The following GTF2I variants were observed in gnomAD, a reference collection of about 807,000 sequenced individuals.
GTF2I encodes general transcription factor II-I.
Under a neutral mutation model 67.6 loss-of-function variants are expected in GTF2I, and 12 were observed. That is an observed-to-expected ratio of 0.18 (90% CI 0.11 to 0.29). The LOEUF is 0.29. Ranked by LOEUF, GTF2I falls within the 10% of genes least tolerant of loss-of-function variation. The pLI, the probability that GTF2I is intolerant of heterozygous loss-of-function variation, is 1.00. For missense variants in GTF2I, 271 were observed against 580.1 expected (o/e 0.47, Z 5.47); for synonymous variants, 149 against 197.0 (o/e 0.76, Z 2.04).
chr7:74,675,559 G>T (rs186508920), intron 1 of GTF2I, among the ~76,000 whole-genome samples: 1 of 151,868 alleles, frequency 6.6e-6, no homozygotes, highest in African/African-American at 2.4e-5. Context: ...GTTTTTTTTG[G>T]GGGGGGCAGA....
chr7:74,707,683 A>G (rs1014624045), intron 8 of GTF2I, among the ~76,000 whole-genome samples: 8 of 152,002 alleles, frequency 5.3e-5, no homozygotes, highest in African/African-American at 1.9e-4. Flanking sequence ...GGAAATCTCA[A>G]ATTTTTGTGT....
chr7:74,757,757 GACC>G lies in GTF2I; in HGVS notation c.2897-199_2897-197del, dbSNP rs1317467535. Among the ~76,000 whole-genome samples, 3 of 92,766 alleles carry G rather than the reference GACC, an allele frequency of 3.2e-5. 1 individual carries two copies. Among genetic ancestry groups the G allele is most frequent in the Non-Finnish European group, 6.7e-5 (3 of 44,764 alleles). 60.9% of individuals were successfully genotyped at this position (92,766 alleles called of 152,430 possible). A position where few individuals can be genotyped will look rare whatever the true frequency, so the allele number is the denominator to read the frequency against. On this transcript the variant is annotated intron_variant, in intron 32 of 34. Transcript: ENST00000573035. ...ACTTCAGTTGCATATGTGAACTTAGGACCACATTTGAAAAACAGAAATTTGAAA... is the reference window on the plus strand; with the variant it reads ...ACTTCAGTTGCATATGTGAACTTAGGACATTTGAAAAACAGAAATTTGAAA...
chr7:74,658,429 C>T (rs1459877575), intron 1 of GTF2I, among the ~76,000 whole-genome samples: 2 of 144,590 alleles, frequency 1.4e-5, no homozygotes, highest in African/African-American at 5.0e-5. Context: ...GCGCCTCGCG[C>T]GTGCGATCCC....
intron 2 of GTF2I, among the ~76,000 whole-genome samples, chr7:74,690,414 G>C (rs1788171725): frequency 6.6e-6 from 1 of 152,162 alleles, no homozygotes; most frequent in African/African-American, 2.4e-5. Flanking sequence ...AATATGCTTA[G>C]TAAAAGTCAG....
intron 1 of GTF2I, among the ~76,000 whole-genome samples, chr7:74,663,784 G>A (rs1216888242): frequency 2.0e-5 from 3 of 152,080 alleles, no homozygotes; most frequent in Admixed American, 2.0e-4. Context: ...GGAGCAAAAC[G>A]CCTTAGTGTC....
In GTF2I at chr7:74,677,781, C is replaced by CAAAAAAA. The variant is rs67938540; in HGVS notation, c.-5-11334_-5-11328dup. ...TGGGCGACAGAGTGAGATTCTGTCTCAAAAAAAAAAAAAAAGTAAATTTGG... is the reference window on the plus strand; with the variant it reads ...TGGGCGACAGAGTGAGATTCTGTCTCAAAAAAAAAAAAAAAAAAAAAAGTAAATTTGG... On this transcript the variant is annotated intron_variant, in intron 1 of 34. Transcript: ENST00000573035. 1.5e-4 allele frequency among the ~76,000 whole-genome samples: 11 copies of CAAAAAAA among 72,162 alleles called. 1 individual carries two copies. Among genetic ancestry groups the CAAAAAAA allele is most frequent in the Non-Finnish European group, 2.4e-4 (10 of 41,778 alleles). 47.3% of individuals were successfully genotyped at this position (72,162 alleles called of 152,430 possible). A position where few individuals can be genotyped will look rare whatever the true frequency, so the allele number is the denominator to read the frequency against.
intron 1 of GTF2I, among the ~76,000 whole-genome samples, chr7:74,671,070 G>C (rs1054007885): frequency 7.0e-6 from 1 of 143,196 alleles, no homozygotes; most frequent in Non-Finnish European, 1.5e-5. Flanking sequence ...TCCACTGATT[G>C]GGCAGATCCT....
intron 26 of GTF2I, among the ~76,000 whole-genome samples, chr7:74,749,913 GA>G (rs1270990751): frequency 6.9e-6 from 1 of 144,034 alleles, no homozygotes; most frequent in Non-Finnish European, 1.5e-5. Flanking sequence ...AAAAAAAAAA[GA>G]AGAAGAAATT....
intron 1 of GTF2I, among the ~76,000 whole-genome samples, chr7:74,661,858 T>C (rs1250947249): frequency 2.0e-5 from 3 of 152,148 alleles, no homozygotes; most frequent in African/African-American, 7.2e-5. Context: ...TGGAATAAAA[T>C]GGGAAATCTT....
At chr7:74,705,248 A>AC (rs782144066) in intron 7 of GTF2I, 30 bp downstream of exon 7, 2 of 1,345,942 alleles carry the variant, frequency 1.5e-6, no homozygotes, top group African/African-American at 2.9e-5. Context: ...CTGCTGTTTA[A>AC]CTCCCACACC....
chr7:74,661,108 A>G (rs1804444367), intron 1 of GTF2I, among the ~76,000 whole-genome samples: 1 of 152,178 alleles, frequency 6.6e-6, no homozygotes, highest in Non-Finnish European at 1.5e-5. Flanking sequence ...CTAGCACATG[A>G]ACCTGGCCAG....
At chr7:74,667,511 T>C (rs1390555821) in intron 1 of GTF2I, among the ~76,000 whole-genome samples, 1 of 152,090 alleles carries the variant, frequency 6.6e-6, no homozygotes, top group Non-Finnish European at 1.5e-5. Context: ...AAATTACCAT[T>C]TTAACCTTTT....
At chr7:74,689,948 C>G (rs587764002) in intron 2 of GTF2I, among the ~76,000 whole-genome samples, 1 of 151,990 alleles carries the variant, frequency 6.6e-6, no homozygotes, top group Admixed American at 6.6e-5. Context: ...AACTCCCGAC[C>G]TCAGGTGATC....
At chr7:74,676,953 G>A (rs1461995714) in intron 1 of GTF2I, among the ~76,000 whole-genome samples, 3 of 152,058 alleles carry the variant, frequency 2.0e-5, no homozygotes, top group South Asian at 2.1e-4. Flanking sequence ...CAGCTACTCC[G>A]GAGATCCAGC....
Position 74,700,315 on chromosome 7 carries a change from G to C in GTF2I, c.442G>C (p.Val148Leu), listed in dbSNP as rs782411031. 6.2e-7 allele frequency: 1 copy of C among 1,614,162 alleles called. No individual in the cohort carries two copies. The highest frequency in any genetic ancestry group is 1.1e-5 in the South Asian group (1 of 91,080). The change falls in exon 5 of 35, where the codon GTG (valine) becomes CTG (leucine). Residue 148 changes from valine to leucine, a missense_variant. By Grantham distance (32) the Val-to-Leu change is conservative. Around this residue, in one of 9 missense-constraint regions of GTF2I, gnomAD observed 38 missense variants for 87.8 expected, o/e 0.43. Coordinates refer to ENST00000573035, the MANE Select transcript of GTF2I (RefSeq NM_032999.4). Reference protein sequence around the residue: ...YEKMLRDQSAVVVQGLPEGVA... With the variant: ...YEKMLRDQSALVVQGLPEGVA... ...GAAGATGCTGCGAGACCAGTCGGCT[G>C]TGGTAGTGCAGGGGCTTCCGGAAGG...
chr7:74,708,227 C>G (rs373863884), intron 8 of GTF2I, among the ~76,000 whole-genome samples: 1 of 152,144 alleles, frequency 6.6e-6, no homozygotes, highest in East Asian at 1.9e-4. Context: ...CGTTTGAACT[C>G]AGGAGGTAGA....
intron 3 of GTF2I, among the ~76,000 whole-genome samples, 169 bp from the exon 4 acceptor site, chr7:74,698,781 CAATGATTAATA>C (rs1789326435): frequency 6.6e-6 from 1 of 151,936 alleles, no homozygotes; most frequent in Non-Finnish European, 1.5e-5. Flanking sequence ...TCATTGGTTA[CAATGATTAATA>C]AATGTTAAAG....
At chr7:74,671,065 T>C (rs182853892) in intron 1 of GTF2I, among the ~76,000 whole-genome samples, 1 of 149,208 alleles carries the variant, frequency 6.7e-6, no homozygotes, top group Non-Finnish European at 1.5e-5. Flanking sequence ...TGTGATCCAC[T>C]GATTGGGCAG....
Position 74,705,045 on chromosome 7 carries a change from G to C in GTF2I, c.587-119G>C, listed in dbSNP as rs1167706161. ...AGGGATGAAAAGCAGTGTTTATTCTGGTGTGATCCAGAGCTGCAAAGCCTA... is the reference window on the plus strand; with the variant it reads ...AGGGATGAAAAGCAGTGTTTATTCTCGTGTGATCCAGAGCTGCAAAGCCTA... On this transcript the variant is annotated intron_variant, in intron 6 of 34. Coordinates refer to ENST00000573035, the MANE Select transcript of GTF2I (RefSeq NM_032999.4). The C allele has an allele frequency of 8.6e-6, 6 of 694,744 alleles. No homozygotes were observed. The Admixed American group carries it at 9.4e-5, about 11-fold the overall frequency. The allele number at this position is 694,744 out of a possible 1,614,324, so 43.0% of individuals were successfully genotyped here.
Sources: allele counts gnomAD v4.1 joint callset (sites outside exome capture counted in the v4.1 genomes callset), GRCh38; gene constraint gnomAD v4.1.1; regional missense constraint gnomAD v4.1.1; transcripts MANE v1.5; gene names NCBI Gene and HGNC (gene_info 2026-07-23, HGNC 2026-07-21).